Variants in CYFIP1 observed in about 807,000 individuals in gnomAD.
CYFIP1 encodes the protein cytoplasmic FMR1-interacting protein 1.
Under a neutral mutation model 163.5 loss-of-function variants are expected in CYFIP1, and 58 were observed. That is an observed-to-expected ratio of 0.35 (90% CI 0.29 to 0.44). The LOEUF is 0.44. Ranked by LOEUF, CYFIP1 falls within the 20% of genes least tolerant of loss-of-function variation. The pLI is 1.00. For synonymous variants in CYFIP1, 663 were observed against 660.7 expected (o/e 1.00, Z -0.05); for missense variants, 1,338 against 1,653.8 (o/e 0.81, Z 3.31).
rs1020260674 is a variant in CYFIP1, at chr15:22,951,540, G to C, written c.-6-4249C>G. On this transcript the variant is annotated intron_variant, in intron 1 of 30. Coordinates refer to ENST00000617928, the MANE Select transcript of CYFIP1 (RefSeq NM_014608.6). ...CCCATAGGGGCTGCCCGTGTCCTGC[G>C]ACTCCAGCCCAGAGTCCCGCAGTCT... 15 of 1,287,474 alleles carry C rather than the reference G, an allele frequency of 1.2e-5. No homozygotes were observed. In the African/African-American group the frequency reaches 2.0e-4, roughly 17 times the overall value. 79.8% of individuals were successfully genotyped at this position (1,287,474 alleles called of 1,614,324 possible). A position where few individuals can be genotyped will look rare whatever the true frequency, so the allele number is the denominator to read the frequency against.
At chr15:22,953,379 C>A (rs999498408) in intron 1 of CYFIP1, among the ~76,000 whole-genome samples, 1 of 152,216 alleles carries the variant, frequency 6.6e-6, no homozygotes, top group Non-Finnish European at 1.5e-5. Context: ...CTGCCACCAG[C>A]GGACCCTGCA....
chr15:22,902,497 A>C (rs181747896), intron 22 of CYFIP1, among the ~76,000 whole-genome samples: 20 of 152,374 alleles, frequency 1.3e-4, no homozygotes, highest in Admixed American at 1.0e-3. Flanking sequence ...CTATGTATCC[A>C]TGATTTCCCA....
At chr15:22,952,677 G>GAAAAAAAAAA (rs2062296827) in intron 1 of CYFIP1, among the ~76,000 whole-genome samples, 1 of 31,192 alleles carries the variant, frequency 3.2e-5, no homozygotes, top group Non-Finnish European at 6.8e-5. Flanking sequence ...AAAAAAAAAG[G>GAAAAAAAAAA]TAAACATGGG....
At chr15:22,889,181 T>C (rs999711848) in intron 23 of CYFIP1, among the ~76,000 whole-genome samples, 8 of 152,324 alleles carry the variant, frequency 5.3e-5, no homozygotes, top group South Asian at 2.1e-4. Context: ...TTGCAAATAG[T>C]TGAATTTAAA....
intron 1 of CYFIP1, among the ~76,000 whole-genome samples, chr15:22,955,191 C>T (rs1351690365): frequency 6.6e-6 from 1 of 151,406 alleles, no homozygotes; most frequent in Non-Finnish European, 1.5e-5. Flanking sequence ...CCCTCAGCCT[C>T]AGATCCACAC....
intron 1 of CYFIP1, among the ~76,000 whole-genome samples, chr15:22,960,836 TCACA>T (rs891030409): frequency 3.3e-5 from 5 of 152,098 alleles, no homozygotes; most frequent in African/African-American, 4.8e-5. Flanking sequence ...GTTTCTTAGG[TCACA>T]CAATGTCTCT....
intron 21 of CYFIP1, chr15:22,904,663 A>C (rs2060511037): frequency 6.6e-6 from 1 of 152,170 alleles, no homozygotes; most frequent in Non-Finnish European, 1.5e-5. Context: ...CTTGTGTTCT[A>C]TTTCTATTGG....
chr15:22,901,306 C>T lies in CYFIP1; in HGVS notation c.2588+2400G>A, dbSNP rs570973636. 1.0e-3 allele frequency among the ~76,000 whole-genome samples: 154 copies of T among 152,186 alleles called. 2 individuals are homozygous for T. The highest frequency in any genetic ancestry group is 1.7e-3 in the African/African-American group (72 of 41,534). ...AATCGTCGACAGATGTTAAAACGAC[C>T]GGGACAAATTTTAATGAGGGAGTTT... On this transcript the variant is annotated intron_variant, in intron 22 of 30. Coordinates refer to ENST00000617928, the MANE Select transcript of CYFIP1 (RefSeq NM_014608.6).
chr15:22,962,949 T>C (rs958638534), intron 1 of CYFIP1, among the ~76,000 whole-genome samples: 1 of 152,168 alleles, frequency 6.6e-6, no homozygotes, highest in African/African-American at 2.4e-5. Context: ...GACACTTGGC[T>C]GTCATGACCT....
chr15:22,884,306 G>T (rs1180817596), intron 23 of CYFIP1, among the ~76,000 whole-genome samples: 2 of 152,160 alleles, frequency 1.3e-5, no homozygotes, highest in Non-Finnish European at 2.9e-5. Flanking sequence ...TAAAAAACAA[G>T]TTAGTTACTT....
chr15:22,895,607 G>A (rs575559324), intron 22 of CYFIP1, among the ~76,000 whole-genome samples: 14 of 152,256 alleles, frequency 9.2e-5, no homozygotes, highest in South Asian at 4.1e-4. Flanking sequence ...CTGGTATCAC[G>A]GGGCCACACC....
chr15:22,925,734 A>G (rs12910040), intron 13 of CYFIP1, among the ~76,000 whole-genome samples: 62,105 of 151,898 alleles, frequency 0.41, 12,834 homozygotes, highest in African/African-American at 0.45. Context: ...CGCACCCGAC[A>G]CTGCTCTCCA....
rs2061826596 is a variant in CYFIP1, at chr15:22,939,501, A to C, written c.576T>G (p.Ala192=). 2.5e-6 allele frequency: 4 copies of C among 1,578,248 alleles called. No homozygotes were observed. Among genetic ancestry groups the C allele is most frequent in the African/African-American group, 1.4e-5 (1 of 70,730 alleles). Residue 192 remains alanine (A), a synonymous_variant, in exon 7 of 31, where the codon GCT becomes GCG. Coordinates refer to ENST00000617928, the MANE Select transcript of CYFIP1 (RefSeq NM_014608.6). The stretch of plus-strand genomic sequence containing the variant: ...GATCTGCCATTTTACGTAAAAACTG[A>C]GCGGCCCTTTGAAAACAAAAAGAAT... The part of the protein sequence containing the change: ...KNDHSAYKRA[A]QFLRKMADPQ...
At chr15:22,976,163 T>C in intron 1 of CYFIP1, among the ~76,000 whole-genome samples, 1 of 144,702 alleles carries the variant, frequency 6.9e-6, no homozygotes, top group Non-Finnish European at 1.5e-5. Flanking sequence ...TTTAATTTTC[T>C]TTTTTTTTTT....
At chr15:22,903,933 A>G in intron 21 of CYFIP1, 28 bp from the exon 22 acceptor site, 1 of 1,608,178 alleles carries the variant, frequency 6.2e-7, no homozygotes, top group Admixed American at 1.7e-5. Flanking sequence ...GGGGTGGGTG[A>G]CAGAGCTGGT....
At chr15:22,975,988 C>A (rs1314015916) in intron 1 of CYFIP1, among the ~76,000 whole-genome samples, 1 of 151,984 alleles carries the variant, frequency 6.6e-6, no homozygotes, top group Non-Finnish European at 1.5e-5. Flanking sequence ...GAACTGATGT[C>A]TTTACTATGT....
At chr15:22,922,147 T>A (rs1251486957) in intron 13 of CYFIP1, among the ~76,000 whole-genome samples, 1 of 152,090 alleles carries the variant, frequency 6.6e-6, no homozygotes, top group Non-Finnish European at 1.5e-5. Flanking sequence ...CTCTGAACCT[T>A]GGGAGTGTCC....
chr15:22,946,838 A>T, intron 3 of CYFIP1, 165 bp downstream of exon 3: 1 of 736,706 alleles, frequency 1.4e-6, no homozygotes, highest in Non-Finnish European at 2.4e-6. Context: ...TATTGTTTTT[A>T]CACTAAGAAA....
At chr15:22,961,459 G>C (rs1298047192) in intron 1 of CYFIP1, among the ~76,000 whole-genome samples, 1 of 152,152 alleles carries the variant, frequency 6.6e-6, no homozygotes, top group African/African-American at 2.4e-5. Flanking sequence ...GCTTACTGCA[G>C]CCTCAACTTC....
Sources: gnomAD v4.1 joint callset for allele counts (sites outside exome capture counted in the v4.1 genomes callset) on GRCh38, gnomAD v4.1.1 for gene constraint, MANE v1.5 for transcripts, NCBI Gene and HGNC (gene_info 2026-07-23, HGNC 2026-07-21) for gene names.